Variants in TSPAN18 observed in about 807,000 individuals in gnomAD.
TSPAN18 encodes tetraspanin 18.
Under a neutral mutation model 27.3 loss-of-function variants are expected in TSPAN18, and 14 were observed. The ratio of observed to expected loss-of-function variants is 0.51; its 90% CI spans 0.34 to 0.80. The LOEUF is 0.80. TSPAN18 is among the 30% of genes least tolerant of loss of function. The pLI is 0.01. For missense variants in TSPAN18, 268 were observed against 323.9 expected, an observed-to-expected ratio of 0.83 and a Z score of 1.32; for synonymous variants, 143 against 136.5, an observed-to-expected ratio of 1.05 and a Z score of -0.33.
chr11:44,926,893 G>A (rs771368467), intron 9 of TSPAN18, 136 bp downstream of exon 9: 24 of 820,964 alleles, frequency 2.9e-5, no homozygotes, highest in Non-Finnish European at 4.8e-5. Context: ...GTGCTATGGG[G>A]TGGTAAGCCC....
chr11:44,920,351 G>C (rs1860082057), intron 8 of TSPAN18, among the ~76,000 whole-genome samples: 1 of 152,168 alleles, frequency 6.6e-6, no homozygotes, highest in Non-Finnish European at 1.5e-5. Context: ...TTGCACAGTG[G>C]GGGGCCCTTC....
chr11:44,812,473 GT>G (rs1260978478), intron 2 of TSPAN18, among the ~76,000 whole-genome samples: 2 of 152,198 alleles, frequency 1.3e-5, no homozygotes, highest in African/African-American at 4.8e-5. Flanking sequence ...ATCCTCTGCT[GT>G]CATGGAGGGC....
chr11:44,738,364 G>GC (rs1055589505), intron 1 of TSPAN18, among the ~76,000 whole-genome samples: 16 of 152,166 alleles, frequency 1.1e-4, no homozygotes, highest in East Asian at 5.8e-4. Flanking sequence ...CCTGGCTGGA[G>GC]CCCCCCCGGC....
chr11:44,886,670 G>C (rs1456349091), intron 3 of TSPAN18: 1 of 152,232 alleles, frequency 6.6e-6, no homozygotes, highest in Non-Finnish European at 1.5e-5. Context: ...AGGAGGAGAC[G>C]TGGGAATAAG....
Position 44,823,930 on chromosome 11 carries a change from C to T in TSPAN18, c.-152-36398C>T, listed in dbSNP as rs185632862. On this transcript the variant is annotated intron_variant, in intron 2 of 9. Coordinates refer to ENST00000520358, the MANE Select transcript of TSPAN18 (RefSeq NM_130783.5). ...TCTCGGAACTGGGCACCACTCATAC[C>T]GGAAAACCAGGATTTATGGAGCTTA... Among the ~76,000 whole-genome samples the T allele has an allele frequency of 1.7e-3, 254 of 152,194 alleles. 3 individuals are homozygous for T. Among genetic ancestry groups the T allele is most frequent in the Non-Finnish European group, 1.3e-3 (90 of 68,010 alleles).
At position 44,764,074 on chromosome 11, in the gene TSPAN18, C is replaced by T. The variant is rs1855511973; in HGVS notation, c.-239-352C>T. On this transcript the variant is annotated intron_variant, in intron 1 of 9. Coordinates refer to ENST00000520358, the MANE Select transcript of TSPAN18 (RefSeq NM_130783.5). ...GAGAGAGAGGGGAAGGTGCTACACA[C>T]TTTTAAACAAGCAGATCTCACGGTA... Among the ~76,000 whole-genome samples, 3 of 152,162 alleles carry T rather than the reference C, an allele frequency of 2.0e-5. 1 individual carries two copies. The South Asian group carries it at 6.2e-4, about 32-fold the overall frequency.
intron 2 of TSPAN18, among the ~76,000 whole-genome samples, chr11:44,839,216 G>A (rs953244166): frequency 2.4e-4 from 37 of 152,300 alleles, no homozygotes; most frequent in African/African-American, 7.9e-4. Flanking sequence ...ATGCAAATAC[G>A]TTTCTGTTCA....
At position 44,931,024 on chromosome 11, in the gene TSPAN18, T is replaced by C. The variant is rs758858961; in HGVS notation, c.*1846T>C. ...CCTTCTGAGATGCAGCCAGAAGCTC[T>C]GTGCCTGCTGCAAAGATTCAGGTGG... On this transcript the variant is annotated 3_prime_UTR_variant, in exon 10 of 10. Transcript: ENST00000520358. The C allele has an allele frequency of 3.9e-5, 18 of 458,036 alleles. No homozygotes were observed. Among genetic ancestry groups the C allele is most frequent in the Non-Finnish European group, 7.6e-5 (17 of 225,154 alleles). 28.4% of individuals were successfully genotyped at this position (458,036 alleles called of 1,614,324 possible).
intron 3 of TSPAN18, among the ~76,000 whole-genome samples, chr11:44,891,817 C>T (rs1344929774): frequency 6.6e-6 from 1 of 152,198 alleles, no homozygotes; most frequent in Non-Finnish European, 1.5e-5. Flanking sequence ...GTCACTCCTT[C>T]CATTCTTTCT....
chr11:44,924,097 T>TGTGTGTGTGTGTGTGTGTG (rs1554941244), intron 8 of TSPAN18, among the ~76,000 whole-genome samples: 41 of 145,774 alleles, frequency 2.8e-4, no homozygotes, highest in African/African-American at 1.0e-3. Flanking sequence ...CCTTCTGGGG[T>TGTGTGTGTGTGTGTGTGTG]TGTGTGTGTG....
intron 2 of TSPAN18, among the ~76,000 whole-genome samples, chr11:44,782,357 C>A (rs1335073047): frequency 6.6e-6 from 1 of 152,052 alleles, no homozygotes; most frequent in Non-Finnish European, 1.5e-5. Context: ...GCCTGGCCAA[C>A]ATGGTGAAAC....
At chr11:44,890,457 C>T (rs1788663282) in intron 3 of TSPAN18, among the ~76,000 whole-genome samples, 2 of 152,086 alleles carry the variant, frequency 1.3e-5, no homozygotes, top group Non-Finnish European at 2.9e-5. Context: ...GGAGCAATGG[C>T]TCACGCCTGT....
intron 2 of TSPAN18, among the ~76,000 whole-genome samples, chr11:44,852,721 A>T (rs1281250708): frequency 6.6e-6 from 1 of 152,186 alleles, no homozygotes; most frequent in Non-Finnish European, 1.5e-5. Context: ...GAGGGTCCTT[A>T]TATAGTCTCT....
chr11:44,757,310 G>C (rs771500285), intron 1 of TSPAN18, among the ~76,000 whole-genome samples: 1 of 152,038 alleles, frequency 6.6e-6, no homozygotes, highest in Non-Finnish European at 1.5e-5. Context: ...TGGGTGTGAA[G>C]TTGTATCTCA....
intron 2 of TSPAN18, among the ~76,000 whole-genome samples, chr11:44,766,805 G>C (rs1855578227): frequency 6.6e-6 from 1 of 152,224 alleles, no homozygotes; most frequent in Non-Finnish European, 1.5e-5. Context: ...GGGTTTTGGA[G>C]CCAGAAGATT....
At chr11:44,815,229 T>C (rs1342995984) in intron 2 of TSPAN18, among the ~76,000 whole-genome samples, 1 of 152,204 alleles carries the variant, frequency 6.6e-6, no homozygotes, top group Non-Finnish European at 1.5e-5. Flanking sequence ...CCTTGACATA[T>C]GGATCCAGGC....
intron 1 of TSPAN18, among the ~76,000 whole-genome samples, chr11:44,763,291 T>C (rs1855494763): frequency 6.6e-6 from 1 of 152,174 alleles, no homozygotes; most frequent in African/African-American, 2.4e-5. Context: ...TGCTCTTATT[T>C]CTCAGCTGTG....
intron 8 of TSPAN18, among the ~76,000 whole-genome samples, chr11:44,925,360 C>G (rs755111142): frequency 2.6e-5 from 4 of 152,222 alleles, no homozygotes; most frequent in Admixed American, 2.0e-4. Context: ...ATCATGGACC[C>G]AGATCGTCGT....
At position 44,902,848 on chromosome 11, in the gene TSPAN18, C is replaced by T. The variant is rs377355449; in HGVS notation, c.-10-3559C>T. ...GAGAGGGTACAACAGAGAGAGGAAA[C>T]GGAGCACAGGAGAACACGACTGTGG... On this transcript the variant is annotated intron_variant, in intron 3 of 9. Transcript: ENST00000520358. 8.4e-4 allele frequency among the ~76,000 whole-genome samples: 128 copies of T among 152,282 alleles called. 3 individuals carry two copies. The South Asian group carries it at 0.025, about 30-fold the overall frequency.
Sources: gnomAD v4.1 joint callset for allele counts (sites outside exome capture counted in the v4.1 genomes callset) on GRCh38, gnomAD v4.1.1 for gene constraint, MANE v1.5 for transcripts, NCBI Gene and HGNC (gene_info 2026-07-23, HGNC 2026-07-21) for gene names.